Variants in TBXAS1 observed in about 807,000 individuals in gnomAD.
TBXAS1 encodes the protein thromboxane A synthase 1.
TBXAS1 carries 48 observed loss-of-function variants against 60.7 expected under a neutral mutation model. That is an observed-to-expected ratio of 0.79 (90% CI 0.63 to 1.01). The LOEUF (loss-of-function observed/expected upper bound fraction) is 1.01. Ranked by LOEUF, TBXAS1 falls within the 50% of genes least tolerant of loss-of-function variation. TBXAS1 has a pLI of 0.00. For missense variants in TBXAS1, 685 were observed against 686.3 expected (o/e 1.00, Z 0.02); for synonymous variants, 287 against 269.7 (o/e 1.06, Z -0.63).
At chr7:139,882,324 G>C (rs992774327) in intron 3 of TBXAS1, among the ~76,000 whole-genome samples, 2 of 151,806 alleles carry the variant, frequency 1.3e-5, no homozygotes, top group African/African-American at 4.8e-5. Context: ...ATAGGGTAGG[G>C]TGGAAACTAT....
chr7:139,891,385 T>A (rs964170656), intron 3 of TBXAS1, among the ~76,000 whole-genome samples: 3 of 152,014 alleles, frequency 2.0e-5, no homozygotes, highest in African/African-American at 7.3e-5. Flanking sequence ...CCCAATAACA[T>A]CCCTGAGAGT....
intron 8 of TBXAS1, among the ~76,000 whole-genome samples, chr7:139,959,784 T>A (rs1042557942): frequency 6.6e-6 from 1 of 152,098 alleles, no homozygotes; most frequent in Non-Finnish European, 1.5e-5. Context: ...CACAATGATA[T>A]CACACCCTGA....
chr7:139,969,870 G>A (rs532955496), intron 9 of TBXAS1, among the ~76,000 whole-genome samples: 1 of 152,188 alleles, frequency 6.6e-6, no homozygotes, highest in Non-Finnish European at 1.5e-5. Flanking sequence ...AGAGCACAAA[G>A]CCACAGGGAC....
chr7:139,962,400 G>T, intron 9 of TBXAS1, 167 bp downstream of exon 9: 1 of 797,478 alleles, frequency 1.3e-6, no homozygotes, highest in Non-Finnish European at 2.0e-6. Context: ...GTTAGCAAGC[G>T]AAATGAAATG....
chr7:139,878,108 TGAGA>T (rs3070223), intron 3 of TBXAS1, among the ~76,000 whole-genome samples: 228 of 147,002 alleles, frequency 1.6e-3, no homozygotes, highest in Non-Finnish European at 2.1e-3. Flanking sequence ...TGTGTGTGTG[TGAGA>T]GAGAGAGAGA....
At chr7:139,959,694 C>T (rs116559975) in intron 8 of TBXAS1, among the ~76,000 whole-genome samples, 201 of 152,226 alleles carry the variant, frequency 1.3e-3, no homozygotes, top group African/African-American at 4.6e-3. Context: ...GAAAAATACC[C>T]GGTGTAGAGG....
intron 9 of TBXAS1, among the ~76,000 whole-genome samples, chr7:139,983,045 T>C (rs571744655): frequency 6.6e-6 from 1 of 152,408 alleles, no homozygotes; most frequent in African/African-American, 2.4e-5. Flanking sequence ...ATATTACTTG[T>C]ATACTATTTC....
At chr7:139,940,383 AG>A (rs1470177659) in intron 5 of TBXAS1, among the ~76,000 whole-genome samples, 10 of 152,190 alleles carry the variant, frequency 6.6e-5, no homozygotes, top group African/African-American at 2.2e-4. Context: ...TGTGGGACCA[AG>A]GGCTGCATGA....
chr7:139,943,932 C>A (rs1322613811), intron 5 of TBXAS1, among the ~76,000 whole-genome samples: 1 of 152,162 alleles, frequency 6.6e-6, no homozygotes, highest in Non-Finnish European at 1.5e-5. Context: ...GCAGCTGACC[C>A]TTACTTATTC....
At chr7:139,860,535 A>G (rs139158246) in intron 1 of TBXAS1, among the ~76,000 whole-genome samples, 35 of 152,342 alleles carry the variant, frequency 2.3e-4, no homozygotes, top group African/African-American at 7.0e-4. Context: ...AAAGGGGTTA[A>G]GTATTCTGGA....
At chr7:140,008,301 G>A (rs777278740) in intron 10 of TBXAS1, among the ~76,000 whole-genome samples, 1 of 152,162 alleles carries the variant, frequency 6.6e-6, no homozygotes, top group Non-Finnish European at 1.5e-5. Context: ...AGCACACAAG[G>A]TTTTGGGTCT....
chr7:140,009,810 G>C (rs1482690128), intron 10 of TBXAS1, among the ~76,000 whole-genome samples: 1 of 50,454 alleles, frequency 2.0e-5, no homozygotes, highest in Non-Finnish European at 3.8e-5. Context: ...CCTCCATGCT[G>C]GCCCCATACC....
At chr7:140,007,040 T>C in intron 9 of TBXAS1, 51 bp from the exon 10 acceptor site, 1 of 1,491,274 alleles carries the variant, frequency 6.7e-7, no homozygotes. Context: ...CAAAATGCTG[T>C]GAGATTTGGG....
intron 9 of TBXAS1, among the ~76,000 whole-genome samples, chr7:139,997,204 G>A (rs748879220): frequency 2.6e-5 from 4 of 152,048 alleles, no homozygotes; most frequent in Admixed American, 6.5e-5. Context: ...TCTGCTAATC[G>A]GAGTAAATAG....
chr7:139,837,661 G>C (rs1799157530), intron 1 of TBXAS1, among the ~76,000 whole-genome samples: 1 of 152,134 alleles, frequency 6.6e-6, no homozygotes, highest in Non-Finnish European at 1.5e-5. Flanking sequence ...GGACTTGGAG[G>C]GAAGTATGAG....
chr7:139,997,382 A>T (rs975088379), intron 9 of TBXAS1, among the ~76,000 whole-genome samples: 1 of 152,208 alleles, frequency 6.6e-6, no homozygotes, highest in Non-Finnish European at 1.5e-5. Context: ...AATGTTCCAT[A>T]CTAATGGAAA....
intron 4 of TBXAS1, among the ~76,000 whole-genome samples, chr7:139,911,970 C>T (rs145726280): frequency 1.3e-5 from 2 of 152,184 alleles, no homozygotes; most frequent in African/African-American, 4.8e-5. Flanking sequence ...GTGGCTCATA[C>T]CTGTAGTCCC....
chr7:139,868,934 C>G (rs972827070), intron 1 of TBXAS1, among the ~76,000 whole-genome samples: 1 of 151,396 alleles, frequency 6.6e-6, no homozygotes, highest in African/African-American at 2.4e-5. Context: ...ATTACAGGCA[C>G]GAGCCACCAC....
chr7:139,873,836 G>A (rs1802012436), intron 2 of TBXAS1, among the ~76,000 whole-genome samples: 1 of 152,100 alleles, frequency 6.6e-6, no homozygotes, highest in Non-Finnish European at 1.5e-5. Flanking sequence ...CCCAACGCCA[G>A]GAGCCGGAAC....
Sources: gnomAD v4.1 joint callset for allele counts (sites outside exome capture counted in the v4.1 genomes callset) on GRCh38, gnomAD v4.1.1 for gene constraint, MANE v1.5 for transcripts, NCBI Gene and HGNC (gene_info 2026-07-23, HGNC 2026-07-21) for gene names.